Variants in RGS5 observed in about 807,000 individuals in gnomAD.
RGS5 encodes regulator of G-protein signalling 5.
Under a neutral mutation model 18.9 loss-of-function variants are expected in RGS5, and 20 were observed. That is an observed-to-expected ratio of 1.06 (90% CI 0.74 to 1.54). RGS5 has a LOEUF of 1.54. Ranked by LOEUF, RGS5 falls within the 40% of genes most tolerant of loss-of-function variation. RGS5 has a pLI of 0.00. For synonymous variants in RGS5, 57 were observed against 76.2 expected, an observed-to-expected ratio of 0.75 and a Z score of 1.31; for missense variants, 201 against 211.8, an observed-to-expected ratio of 0.95 and a Z score of 0.32.
intron 2 of RGS5, among the ~76,000 whole-genome samples, chr1:163,301,653 A>C (rs962127383): frequency 6.6e-6 from 1 of 151,438 alleles, no homozygotes; most frequent in African/African-American, 2.4e-5. Flanking sequence ...CTTTATAAAG[A>C]AAAAAAATGA....
intron 1 of RGS5, among the ~76,000 whole-genome samples, chr1:163,171,100 C>T (rs985822342): frequency 5.3e-5 from 8 of 152,180 alleles, no homozygotes; most frequent in African/African-American, 1.7e-4. Flanking sequence ...TCCCTAGCTT[C>T]GAACATTACA....
chr1:163,270,291 C>T (rs1571331421), intron 2 of RGS5, among the ~76,000 whole-genome samples: 2 of 147,472 alleles, frequency 1.4e-5, no homozygotes, highest in Admixed American at 6.9e-5. Context: ...GCAGGAGGCT[C>T]GCTTGAGCCC....
chr1:163,183,095 C>A (rs1487692446), intron 1 of RGS5, among the ~76,000 whole-genome samples: 1 of 152,140 alleles, frequency 6.6e-6, no homozygotes, highest in Admixed American at 6.5e-5. Flanking sequence ...GATACAAATT[C>A]ATTACTACAA....
intron 1 of RGS5, among the ~76,000 whole-genome samples, chr1:163,214,336 CCA>C (rs1660171557): frequency 6.6e-6 from 1 of 152,106 alleles, no homozygotes. Context: ...GTTCAGTTTC[CCA>C]CTTGCTGAAA....
chr1:163,246,078 G>T (rs1447206355), intron 2 of RGS5, among the ~76,000 whole-genome samples: 2 of 151,822 alleles, frequency 1.3e-5, no homozygotes, highest in South Asian at 2.1e-4. Context: ...TTAGCCAGGC[G>T]TGGTGGCGGG....
chr1:163,212,057 A>G (rs549287631), intron 1 of RGS5: 1 of 152,356 alleles, frequency 6.6e-6, no homozygotes, highest in South Asian at 2.1e-4. Context: ...TCCACAAAAT[A>G]AGAAACATCT....
At chr1:163,147,927 T>C (rs111476313) in intron 4 of RGS5, among the ~76,000 whole-genome samples, 36 of 8,912 alleles carry the variant, frequency 4.0e-3, no homozygotes, top group African/African-American at 5.9e-3. Context: ...TCTTTTTTTT[T>C]TTTTTTTTTT....
At chr1:163,151,271 T>C (rs1657361779) in intron 4 of RGS5, among the ~76,000 whole-genome samples, 1 of 152,016 alleles carries the variant, frequency 6.6e-6, no homozygotes, top group Admixed American at 6.6e-5. Context: ...CATGAGTAAA[T>C]ATACCATTGT....
At chr1:163,252,106 T>A (rs1480257400) in intron 2 of RGS5, among the ~76,000 whole-genome samples, 1 of 152,164 alleles carries the variant, frequency 6.6e-6, no homozygotes, top group Non-Finnish European at 1.5e-5. Context: ...AGCTGTACCA[T>A]TTTGCAGTCC....
intron 1 of RGS5, among the ~76,000 whole-genome samples, chr1:163,313,262 G>A (rs1649923882): frequency 1.3e-5 from 2 of 152,174 alleles, no homozygotes; most frequent in Admixed American, 1.3e-4. Flanking sequence ...CCTCAGGGTA[G>A]AATATGTGGT....
At chr1:163,265,929 T>G (rs1238429881) in intron 2 of RGS5, among the ~76,000 whole-genome samples, 1 of 152,166 alleles carries the variant, frequency 6.6e-6, no homozygotes, top group Admixed American at 6.6e-5. Flanking sequence ...TATGTTTTCT[T>G]GGCCTTCAAT....
intron 2 of RGS5, among the ~76,000 whole-genome samples, chr1:163,274,068 T>C (rs887346622): frequency 6.6e-6 from 1 of 152,156 alleles, no homozygotes; most frequent in African/African-American, 2.4e-5. Flanking sequence ...TAAAAATACA[T>C]TTGGTCTTGG....
chr1:163,153,078 G>A (rs1657441370), intron 3 of RGS5, among the ~76,000 whole-genome samples: 3 of 152,124 alleles, frequency 2.0e-5, no homozygotes, highest in Admixed American at 2.0e-4. Flanking sequence ...TGCCATTCTG[G>A]ACACTTAAAC....
At chr1:163,174,847 AG>A (rs1658477734) in intron 1 of RGS5, among the ~76,000 whole-genome samples, 1 of 152,348 alleles carries the variant, frequency 6.6e-6, no homozygotes, top group South Asian at 2.1e-4. Context: ...GACATATGTC[AG>A]GAACAGCGAG....
At chr1:163,208,705 A>G (rs1398063668) in intron 1 of RGS5, among the ~76,000 whole-genome samples, 4 of 152,080 alleles carry the variant, frequency 2.6e-5, no homozygotes, top group Non-Finnish European at 5.9e-5. Flanking sequence ...CCAAGTCAAA[A>G]TGTATTGAAT....
intron 2 of RGS5, among the ~76,000 whole-genome samples, chr1:163,168,028 G>A (rs1658128105): frequency 6.6e-6 from 1 of 151,792 alleles, no homozygotes; most frequent in Non-Finnish European, 1.5e-5. Context: ...ATAAGGCAGA[G>A]TCTTATCTTT....
chr1:163,174,688 A>C (rs1393110406), intron 1 of RGS5, among the ~76,000 whole-genome samples: 1 of 152,224 alleles, frequency 6.6e-6, no homozygotes, highest in East Asian at 1.9e-4. Context: ...CAGGGAGGAT[A>C]ATTGCAATCA....
intron 1 of RGS5, among the ~76,000 whole-genome samples, chr1:163,195,524 A>C (rs1659528720): frequency 6.6e-6 from 1 of 152,072 alleles, no homozygotes; most frequent in Non-Finnish European, 1.5e-5. Context: ...ATCACCACTA[A>C]AGAACTTATT....
intron 1 of RGS5, among the ~76,000 whole-genome samples, chr1:163,176,455 C>T (rs1658562426): frequency 6.6e-6 from 1 of 152,102 alleles, no homozygotes; most frequent in Non-Finnish European, 1.5e-5. Context: ...AACCCCGTCT[C>T]TACTAAAAAT....
Sources: gnomAD v4.1 joint callset for allele counts (sites outside exome capture counted in the v4.1 genomes callset) on GRCh38, gnomAD v4.1.1 for gene constraint, MANE v1.5 for transcripts, NCBI Gene and HGNC (gene_info 2026-07-23, HGNC 2026-07-21) for gene names.